The following CAMK2G variants were observed in gnomAD, a reference collection of about 807,000 sequenced individuals.
The protein encoded by CAMK2G is calcium/calmodulin dependent protein kinase II gamma.
Under a neutral mutation model 88.7 loss-of-function variants are expected in CAMK2G, and 23 were observed. The observed-to-expected ratio is 0.26, with a 90% confidence interval of 0.19 to 0.37. The LOEUF (loss-of-function observed/expected upper bound fraction) is 0.37. Among genes scored for constraint, CAMK2G ranks in the 10% least tolerant of loss-of-function variants. The pLI is 1.00. For missense variants in CAMK2G, 476 were observed against 780.8 expected, an observed-to-expected ratio of 0.61 and a Z score of 4.65; for synonymous variants, 263 against 294.8, an observed-to-expected ratio of 0.89 and a Z score of 1.11.
chr10:73,855,224 G>A (rs1268315198), intron 3 of CAMK2G, among the ~76,000 whole-genome samples: 5 of 152,212 alleles, frequency 3.3e-5, no homozygotes, highest in East Asian at 1.9e-4. Context: ...GGTCTAAGTC[G>A]GTGCCTCACG....
Position 73,873,181 on chromosome 10 carries a change from C to T in CAMK2G, c.66-98G>A. On this transcript the variant is annotated intron_variant, in intron 1 of 22. Coordinates refer to ENST00000423381, the MANE Select transcript of CAMK2G (RefSeq NM_001367534.1). ...GACGATGATGCTCCCACCACCAGAC[C>T]TCTAGTCACACTCACGTACATGCAC... The T allele has an allele frequency of 3.0e-6, 3 of 1,002,736 alleles. No individual in the cohort carries two copies. The Admixed American group carries it at 5.2e-5, about 17-fold the overall frequency. 62.1% of individuals were successfully genotyped at this position (1,002,736 alleles called of 1,614,324 possible).
At chr10:73,841,894 T>A (rs369117511) in intron 12 of CAMK2G, 32 of 461,004 alleles carry the variant, frequency 6.9e-5, no homozygotes, top group East Asian at 3.6e-4. Flanking sequence ...TTCAGAGAGT[T>A]AAATAAGAAT....
intron 2 of CAMK2G, among the ~76,000 whole-genome samples, chr10:73,863,521 C>T (rs139035924): frequency 6.6e-6 from 1 of 152,230 alleles, no homozygotes; most frequent in Non-Finnish European, 1.5e-5. Flanking sequence ...CCACGGCCCT[C>T]TCTCTGGGCA....
At chr10:73,829,461 A>AT (rs1286846518) in intron 14 of CAMK2G, among the ~76,000 whole-genome samples, 66 of 149,920 alleles carry the variant, frequency 4.4e-4, no homozygotes, top group East Asian at 2.9e-3. Context: ...CGCCCCACTG[A>AT]TTTTTTTTTG....
At chr10:73,860,791 A>T in intron 3 of CAMK2G, 39 bp downstream of exon 3, 1 of 1,511,078 alleles carries the variant, frequency 6.6e-7, no homozygotes, top group Non-Finnish European at 9.2e-7. Context: ...CCCTGCTTCT[A>T]CAAAATACCC....
chr10:73,863,421 A>G (rs1251488701), intron 2 of CAMK2G, among the ~76,000 whole-genome samples: 1 of 152,168 alleles, frequency 6.6e-6, no homozygotes, highest in Non-Finnish European at 1.5e-5. Context: ...CTTCTTCCAG[A>G]TCTGGCAGGA....
intron 12 of CAMK2G, among the ~76,000 whole-genome samples, chr10:73,840,985 T>A (rs1421767444): frequency 6.6e-6 from 1 of 152,126 alleles, no homozygotes; most frequent in East Asian, 1.9e-4. Context: ...AGTATGCCCG[T>A]CGTGGGTACC....
intron 14 of CAMK2G, among the ~76,000 whole-genome samples, chr10:73,832,968 T>C (rs1243643311): frequency 3.8e-5 from 4 of 105,654 alleles, no homozygotes; most frequent in African/African-American, 1.2e-4. Context: ...CTTCTCTCTC[T>C]TTTTTTTTTT....
chr10:73,815,377 C>A (rs1336405298), intron 21 of CAMK2G, 130 bp from the exon 22 acceptor site: 3 of 652,890 alleles, frequency 4.6e-6, no homozygotes, highest in East Asian at 2.7e-5. Context: ...CCGCCCCCCC[C>A]CACCCCCGAA....
chr10:73,853,368 A>G (rs2094786229), intron 3 of CAMK2G, 122 bp from the exon 4 acceptor site: 1 of 808,204 alleles, frequency 1.2e-6, no homozygotes, highest in Non-Finnish European at 2.0e-6. Flanking sequence ...CAGAAGGAGC[A>G]GTGGGGGGAA....
chr10:73,852,131 A>G (rs2094673473), intron 5 of CAMK2G, 123 bp downstream of exon 5: 2 of 740,706 alleles, frequency 2.7e-6, no homozygotes, highest in Non-Finnish European at 4.9e-6. Context: ...TCCAGACAAG[A>G]GCTATTCTGA....
intron 13 of CAMK2G, among the ~76,000 whole-genome samples, chr10:73,838,893 G>A (rs749353502): frequency 4.6e-5 from 7 of 152,208 alleles, no homozygotes; most frequent in Non-Finnish European, 8.8e-5. Flanking sequence ...CTTCTTACGA[G>A]CTCCCAGGTA....
intron 21 of CAMK2G, chr10:73,816,516 A>T: frequency 1.1e-6 from 1 of 910,726 alleles, no homozygotes; most frequent in Non-Finnish European, 1.4e-6. Flanking sequence ...GCTGGAGTGC[A>T]GTGGCCTGAT....
intron 2 of CAMK2G, among the ~76,000 whole-genome samples, chr10:73,866,675 C>A (rs924826715): frequency 6.6e-6 from 1 of 152,190 alleles, no homozygotes; most frequent in African/African-American, 2.4e-5. Context: ...AAACTTCCTG[C>A]AACCCCACTG....
chr10:73,862,306 C>T (rs866986379), intron 2 of CAMK2G, among the ~76,000 whole-genome samples: 9 of 146,804 alleles, frequency 6.1e-5, no homozygotes, highest in Middle Eastern at 3.3e-3. Flanking sequence ...CACCCCCCCC[C>T]CCCCCGATTT....
chr10:73,873,974 A>C, intron 1 of CAMK2G, among the ~76,000 whole-genome samples: 1 of 150,350 alleles, frequency 6.7e-6, no homozygotes, highest in African/African-American at 2.5e-5. Context: ...CAGCCCCCCC[A>C]CGCCCGGGCT....
chr10:73,872,704 A>C (rs1260110765), intron 2 of CAMK2G, among the ~76,000 whole-genome samples: 1 of 152,144 alleles, frequency 6.6e-6, no homozygotes, highest in Non-Finnish European at 1.5e-5. Context: ...TGTACCACCC[A>C]CTACCCCCAT....
At chr10:73,872,415 G>T (rs1188331286) in intron 2 of CAMK2G, among the ~76,000 whole-genome samples, 1 of 152,202 alleles carries the variant, frequency 6.6e-6, no homozygotes, top group Non-Finnish European at 1.5e-5. Context: ...CACCAACTTT[G>T]TAATTTGATC....
At position 73,819,593 on chromosome 10, in the gene CAMK2G, G is replaced by C; in HGVS notation, c.1302C>G (p.Ser434=). The change falls in exon 19 of 23, where the codon TCC becomes TCG. Residue 434 remains serine, a synonymous_variant. Transcript: ENST00000423381. Reference sequence around the variant, plus strand: ...CTGCAGAGGGGGCTGTTCTGTCCCGGGAGCTCCGTCCTTCAGGCACCGAGC... The same window carrying C: ...CTGCAGAGGGGGCTGTTCTGTCCCGCGAGCTCCGTCCTTCAGGCACCGAGC... ...NGSSVPEGRS[S]RDRTAPSAGM... is the part of the protein sequence containing the mutation. 6.5e-7 allele frequency: 1 copy of C among 1,548,390 alleles called. No homozygotes were observed. The highest frequency in any genetic ancestry group is 8.7e-7 in the Non-Finnish European group (1 of 1,146,926).
Sources: allele counts gnomAD v4.1 joint callset (sites outside exome capture counted in the v4.1 genomes callset), GRCh38; gene constraint gnomAD v4.1.1; transcripts MANE v1.5; gene names NCBI Gene and HGNC (gene_info 2026-07-23, HGNC 2026-07-21).